IFNLR1: variants seen among roughly 807,000 people sequenced by gnomAD.
IFNLR1 encodes the protein interferon lambda receptor 1.
In IFNLR1, 28 loss-of-function variants were observed where a neutral mutation model predicts 52.5. The ratio of observed to expected loss-of-function variants is 0.53; its 90% CI spans 0.40 to 0.73. The LOEUF is 0.73. IFNLR1 is among the 30% of genes least tolerant of loss of function. The pLI, the probability that IFNLR1 is intolerant of heterozygous loss-of-function variation, is 0.00. For missense variants in IFNLR1, 623 were observed against 659.1 expected, an observed-to-expected ratio of 0.95 and a Z score of 0.60; for synonymous variants, 276 against 274.9, an observed-to-expected ratio of 1.00 and a Z score of -0.04.
intron 2 of IFNLR1, 40 bp downstream of exon 2, chr1:24,180,691 C>CCCCCCCGGG: frequency 1.4e-6 from 2 of 1,437,892 alleles, no homozygotes; most frequent in Non-Finnish European, 1.9e-6. Context: ...CACCCACCCC[C>CCCCCCCGGG]TCAGTCTTCC....
At chr1:24,171,934 G>A (rs1469389596) in intron 2 of IFNLR1, among the ~76,000 whole-genome samples, 1 of 152,064 alleles carries the variant, frequency 6.6e-6, no homozygotes, top group Non-Finnish European at 1.5e-5. Flanking sequence ...GGTATTACAG[G>A]TGCTGGGATG....
At chr1:24,182,151 G>A (rs1017290209) in intron 1 of IFNLR1, among the ~76,000 whole-genome samples, 2 of 151,180 alleles carry the variant, frequency 1.3e-5, no homozygotes, top group Non-Finnish European at 2.9e-5. Context: ...AGTGAGCTGA[G>A]ATTGTGCCAC....
At chr1:24,158,907 G>A in intron 6 of IFNLR1, 145 bp downstream of exon 6, 1 of 874,070 alleles carries the variant, frequency 1.1e-6, no homozygotes, top group Admixed American at 2.3e-5. Context: ...CATTACTAAT[G>A]GTGGAAATTC....
rs1349885543 is a variant in IFNLR1 at position 24,157,422 on chromosome 1, G to A, written c.1271C>T (p.Ser424Phe). ...QGPGGDGHQE[S>F]LPPPEFSKDS... ...CTTGGAGAATTCAGGTGGTGGGAGA[G>A]ATTCTTGGTGCCCATCCCCACCCGG... is the stretch of plus-strand genomic sequence containing the variant. The change falls in exon 7 of 7, where the codon TCT (serine) becomes TTT (phenylalanine). Residue 424 changes from serine to phenylalanine, a missense_variant. By Grantham distance (155) the Ser-to-Phe change is radical. Transcript: ENST00000327535. This position sits in a 1 kb window ranked among gnomAD's most constrained non-coding sequence, Gnocchi z 5.1. 1.2e-6 allele frequency: 2 copies of A among 1,614,166 alleles called. No individual in the cohort carries two copies. The highest frequency in any genetic ancestry group is 1.7e-6 in the Non-Finnish European group (2 of 1,180,020).
In IFNLR1 at chr1:24,162,724, T is replaced by C. The variant is rs1455312739; in HGVS notation, c.368-1040A>G. On this transcript the variant is annotated intron_variant, in intron 3 of 6. Coordinates refer to ENST00000327535, the MANE Select transcript of IFNLR1 (RefSeq NM_170743.4). ...TTCTTTTCTTTTCTTTCTTTCTTTC[T>C]TTTCTTTCTTTCTTTCTTTCTTTCT... is the stretch of plus-strand genomic sequence containing the variant. Among the ~76,000 whole-genome samples, 18 of 32,490 alleles carry C rather than the reference T, an allele frequency of 5.5e-4. 2 individuals are homozygous for C. The highest frequency in any genetic ancestry group is 0.012 in the Middle Eastern group (1 of 82). 21.3% of individuals were successfully genotyped at this position (32,490 alleles called of 152,430 possible).
intron 3 of IFNLR1, among the ~76,000 whole-genome samples, chr1:24,164,863 A>G (rs1644502616): frequency 6.6e-6 from 1 of 151,692 alleles, no homozygotes; most frequent in Non-Finnish European, 1.5e-5. Context: ...CTTGGGTTCA[A>G]GTGATCCTCC....
rs565033215 is a variant in IFNLR1 at position 24,157,440 on chromosome 1, C to T, written c.1253G>A (p.Gly418Glu). ...AEKGPGQGPG[G>E]DGHQESLPPP... is the part of the protein sequence containing the mutation. ...TGGGAGAGATTCTTGGTGCCCATCC[C>T]CACCCGGCCCTTGGCCTGGCCCCTT... The change falls in exon 7 of 7, where the codon GGG becomes GAG. Residue 418 changes from glycine to glutamate, a missense_variant. Transcript: ENST00000327535. This position sits in a 1 kb window ranked among gnomAD's most constrained non-coding sequence, Gnocchi z 5.1. 114 of 1,614,144 alleles carry T rather than the reference C, an allele frequency of 7.1e-5. 1 individual carries two copies. The South Asian group carries it at 1.2e-3, about 16-fold the overall frequency.
chr1:24,180,246 G>A (rs1244656998), intron 2 of IFNLR1, among the ~76,000 whole-genome samples: 1 of 150,018 alleles, frequency 6.7e-6, no homozygotes, highest in Non-Finnish European at 1.5e-5. Flanking sequence ...GCAGTGAGCC[G>A]AGATCAAGCC....
chr1:24,155,204 A>AT lies in IFNLR1; in HGVS notation c.*1925dup, dbSNP rs796647670. The AT allele has an allele frequency of 5.8e-4, 39 of 67,090 alleles. 2 individuals carry two copies. Among genetic ancestry groups the AT allele is most frequent in the African/African-American group, 1.7e-3 (38 of 22,506 alleles). 4.2% of individuals were successfully genotyped at this position (67,090 alleles called of 1,614,324 possible). A position where few individuals can be genotyped will look rare whatever the true frequency, so the allele number is the denominator to read the frequency against. ...CTGGGGAGACACAGGTGTGTGTCGT[A>AT]TGTGTGTATGCATGTGTGTGTGTGT... On this transcript the variant is annotated 3_prime_UTR_variant, in exon 7 of 7. Transcript: ENST00000327535.
At chr1:24,177,266 A>G in intron 2 of IFNLR1, among the ~76,000 whole-genome samples, 1 of 152,216 alleles carries the variant, frequency 6.6e-6, no homozygotes, top group Non-Finnish European at 1.5e-5. Flanking sequence ...CACAAGGCGA[A>G]GTCCCACGAT....
At chr1:24,172,896 TC>T (rs1297741133) in intron 2 of IFNLR1, among the ~76,000 whole-genome samples, 2 of 152,142 alleles carry the variant, frequency 1.3e-5, no homozygotes, top group African/African-American at 4.8e-5. Flanking sequence ...AGGCCGTTCT[TC>T]TGTGTGCATG....
At chr1:24,172,586 T>TA (rs1644592023) in intron 2 of IFNLR1, among the ~76,000 whole-genome samples, 1 of 152,076 alleles carries the variant, frequency 6.6e-6, no homozygotes, top group South Asian at 2.1e-4. Context: ...GAAGGAAAGT[T>TA]AAAAAAATAT....
intron 3 of IFNLR1, among the ~76,000 whole-genome samples, chr1:24,168,735 GT>G (rs368458976): frequency 1.8e-4 from 27 of 149,898 alleles, no homozygotes; most frequent in African/African-American, 5.4e-4. Context: ...AACAGAATTT[GT>G]TTTTTTTTCT....
At chr1:24,169,659 C>T (rs1644558610) in intron 2 of IFNLR1, 58 bp from the exon 3 acceptor site, 2 of 1,532,114 alleles carry the variant, frequency 1.3e-6, no homozygotes, top group South Asian at 2.5e-5. Flanking sequence ...GGTCAGGGAA[C>T]TTAGAGAACA....
chr1:24,157,426 C>T lies in IFNLR1; in HGVS notation c.1267G>A (p.Glu423Lys). The T allele has an allele frequency of 3.1e-6, 5 of 1,614,176 alleles. No homozygotes were observed. The highest frequency in any genetic ancestry group is 4.2e-6 in the Non-Finnish European group (5 of 1,180,026). ...GQGPGGDGHQ[E>K]SLPPPEFSKD... ...GAGAATTCAGGTGGTGGGAGAGATT[C>T]TTGGTGCCCATCCCCACCCGGCCCT... Residue 423 changes from glutamate to lysine, a missense_variant, in exon 7 of 7, where the codon GAA becomes AAA. Physicochemically the swap from Glu to Lys is moderately conservative, Grantham distance 56. Coordinates refer to ENST00000327535, the MANE Select transcript of IFNLR1 (RefSeq NM_170743.4). This position sits in a 1 kb window ranked among gnomAD's most constrained non-coding sequence, Gnocchi z 5.1.
chr1:24,157,687 C>A lies in IFNLR1; in HGVS notation c.1006G>T (p.Asp336Tyr). The A allele has an allele frequency of 1.2e-6, 2 of 1,613,398 alleles. No individual in the cohort carries two copies. The highest frequency in any genetic ancestry group is 1.7e-4 in the Middle Eastern group (1 of 6,056). Residue 336 changes from aspartate to tyrosine, a missense_variant, in exon 7 of 7, where the codon GAT (aspartate) becomes TAT (tyrosine). By Grantham distance (160) the Asp-to-Tyr change is radical. Coordinates refer to ENST00000327535, the MANE Select transcript of IFNLR1 (RefSeq NM_170743.4). The surrounding 1 kb of genome is among the most constrained non-coding windows in gnomAD (Gnocchi z 5.1). ...EEEEDEEDTE[D>Y]GVSFQPYIEP... ...ATGTAGGGCTGGAAGCTGACGCCAT[C>A]TTCTGTGTCCTCCTCATCCTCCTCC...
rs2148595195 is a variant in IFNLR1, at chr1:24,169,471, G to A, written c.313C>T (p.Pro105Ser). 1.9e-6 allele frequency: 3 copies of A among 1,614,232 alleles called. No homozygotes were observed. Among genetic ancestry groups the A allele is most frequent in the Non-Finnish European group, 2.5e-6 (3 of 1,180,046 alleles). The change falls in exon 3 of 7, where the codon CCC becomes TCC. Residue 105 changes from proline (P) to serine (S), a missense_variant. By Grantham distance (74) the Pro-to-Ser change is moderately conservative. Coordinates refer to ENST00000327535, the MANE Select transcript of IFNLR1 (RefSeq NM_170743.4). ...KFKGRVRTVS[P>S]SSKSPWVESE... Reference sequence around the variant, plus strand: ...TCCACCCAGGGGGACTTGGAGCTGGGAGAAACCGTCCGCACGCGTCCCTTG... The same window carrying A: ...TCCACCCAGGGGGACTTGGAGCTGGAAGAAACCGTCCGCACGCGTCCCTTG...
rs1489977147 is a variant in IFNLR1, at chr1:24,187,279, C to T, written c.-31G>A. ...TCCTGCCGCGGCGTCCCCGCCCGGG[C>T]CCAGGTCCCCGCCTCCCGCCTCCCG... On this transcript the variant is annotated 5_prime_UTR_variant, in exon 1 of 7. Coordinates refer to ENST00000327535, the MANE Select transcript of IFNLR1 (RefSeq NM_170743.4). 2 of 1,248,728 alleles carry T rather than the reference C, an allele frequency of 1.6e-6. No individual in the cohort carries two copies. The highest frequency in any genetic ancestry group is 2.0e-6 in the Non-Finnish European group (2 of 992,432). 77.4% of individuals were successfully genotyped at this position (1,248,728 alleles called of 1,614,324 possible). A position where few individuals can be genotyped will look rare whatever the true frequency, so the allele number is the denominator to read the frequency against.
In IFNLR1 at chr1:24,157,703, ATCC is replaced by A; in HGVS notation, c.987_989del (p.Glu329del). On this transcript the variant is annotated inframe_deletion, in exon 7 of 7. Coordinates refer to ENST00000327535, the MANE Select transcript of IFNLR1 (RefSeq NM_170743.4). This position sits in a 1 kb window ranked among gnomAD's most constrained non-coding sequence, Gnocchi z 5.1. Reference sequence around the variant, plus strand: ...TGACGCCATCTTCTGTGTCCTCCTCATCCTCCTCCTCTTCGTCCTCTGCAAGGT... The same window carrying A: ...TGACGCCATCTTCTGTGTCCTCCTCATCCTCCTCTTCGTCCTCTGCAAGGT... 8 of 1,613,890 alleles carry A rather than the reference ATCC, an allele frequency of 5.0e-6. No homozygotes were observed. Among genetic ancestry groups the A allele is most frequent in the Non-Finnish European group, 6.8e-6 (8 of 1,179,930 alleles).
Sources: allele counts gnomAD v4.1 joint callset (sites outside exome capture counted in the v4.1 genomes callset), GRCh38; gene constraint gnomAD v4.1.1; non-coding constraint Gnocchi (gnomAD v3.1); transcripts MANE v1.5; gene names NCBI Gene and HGNC (gene_info 2026-07-23, HGNC 2026-07-21).